OPN3: variants seen among roughly 807,000 people sequenced by gnomAD.
OPN3 encodes opsin-3.
A neutral mutation model predicts 33.8 loss-of-function variants in OPN3; 29 were observed. That is an observed-to-expected ratio of 0.86 (90% CI 0.64 to 1.17). The LOEUF (loss-of-function observed/expected upper bound fraction) is 1.17, where lower values mean the gene tolerates loss of function less well. Ranked by LOEUF, OPN3 falls within the 50% of genes most tolerant of loss-of-function variation. OPN3 has a pLI of 0.00. For synonymous variants in OPN3, 216 were observed against 216.1 expected, an observed-to-expected ratio of 1.00 and a Z score of 0.00; for missense variants, 437 against 514.1, an observed-to-expected ratio of 0.85 and a Z score of 1.45.
At position 241,639,856 on chromosome 1, in the gene OPN3, G is replaced by A. The variant is rs112198355; in HGVS notation, c.373+26C>T. ...GGGGAGTGGAAGTTTGCAGAGGGGA[G>A]GCTGCCTTCTCCCAGTCCAACTCAC... On this transcript the variant is annotated intron_variant, in intron 1 of 3. Coordinates refer to ENST00000366554, the MANE Select transcript of OPN3 (RefSeq NM_014322.3). The A allele has an allele frequency of 5.8e-4, 873 of 1,495,400 alleles. 5 individuals are homozygous for A. The African/African-American group carries it at 0.01, about 18-fold the overall frequency. 92.6% of individuals were successfully genotyped at this position (1,495,400 alleles called of 1,614,324 possible).
intron 1 of OPN3, among the ~76,000 whole-genome samples, chr1:241,607,794 G>GA (rs1232594910): frequency 1.3e-5 from 2 of 149,136 alleles, no homozygotes; most frequent in African/African-American, 4.9e-5. Context: ...GGAAGGAAGG[G>GA]AAAAGGAAAG....
chr1:241,614,531 T>C (rs553325959), intron 1 of OPN3, among the ~76,000 whole-genome samples: 3 of 152,374 alleles, frequency 2.0e-5, no homozygotes, highest in East Asian at 3.9e-4. Context: ...CGGACATTTT[T>C]CACCATAAGC....
intron 1 of OPN3, chr1:241,630,817 A>C (rs1664603655): frequency 6.6e-6 from 1 of 152,074 alleles, no homozygotes; most frequent in Non-Finnish European, 1.5e-5. Context: ...ATCTGTAATT[A>C]ATACTTTGGA....
intron 1 of OPN3, among the ~76,000 whole-genome samples, chr1:241,612,535 A>G (rs1005619197): frequency 1.3e-5 from 2 of 152,124 alleles, no homozygotes; most frequent in African/African-American, 4.8e-5. Flanking sequence ...TGTAAAATAA[A>G]CCAAGCCTGT....
intron 1 of OPN3, among the ~76,000 whole-genome samples, chr1:241,609,093 G>A (rs1204588508): frequency 6.6e-6 from 1 of 152,228 alleles, no homozygotes; most frequent in Non-Finnish European, 1.5e-5. Flanking sequence ...AACTGATGTT[G>A]AGCCTTATTA....
At chr1:241,616,303 C>T (rs1413277102) in intron 1 of OPN3, among the ~76,000 whole-genome samples, 1 of 152,020 alleles carries the variant, frequency 6.6e-6, no homozygotes, top group East Asian at 1.9e-4. Flanking sequence ...TTCACAAAGC[C>T]CTTTCTGGAA....
At chr1:241,609,176 C>A (rs569381014) in intron 1 of OPN3, among the ~76,000 whole-genome samples, 5 of 152,264 alleles carry the variant, frequency 3.3e-5, no homozygotes, top group Non-Finnish European at 7.3e-5. Flanking sequence ...AATGGTGCAT[C>A]CATTTCCGTG....
intron 2 of OPN3, among the ~76,000 whole-genome samples, chr1:241,603,268 C>T (rs1663726342): frequency 6.6e-6 from 1 of 152,048 alleles, no homozygotes; most frequent in African/African-American, 2.4e-5. Flanking sequence ...TCAAAGGAAC[C>T]CTTGATAATG....
Position 241,594,545 on chromosome 1 carries a change from C to T in OPN3, c.1092G>A (p.Val364=). 1 of 1,614,108 alleles carries T rather than the reference C, an allele frequency of 6.2e-7. No homozygotes were observed. Among genetic ancestry groups the T allele is most frequent in the Non-Finnish European group, 8.5e-7 (1 of 1,179,990 alleles). Reference sequence around the variant, plus strand: ...AAATGATGGAAGAAGAGTTGAAAGTCACTTTTTTCTTTGGCCTGTCCCCAT... The same window carrying T: ...AAATGATGGAAGAAGAGTTGAAAGTTACTTTTTTCTTTGGCCTGTCCCCAT... The part of the protein sequence containing the change: ...QKDGDRPKKK[V]TFNSSSIIFI... The change falls in exon 4 of 4, where the codon GTG becomes GTA. Residue 364 remains valine (V), a synonymous_variant. Coordinates refer to ENST00000366554, the MANE Select transcript of OPN3 (RefSeq NM_014322.3).
intron 1 of OPN3, chr1:241,633,889 C>G: frequency 6.2e-7 from 1 of 1,613,860 alleles, no homozygotes; most frequent in Non-Finnish European, 8.5e-7. Context: ...TTCCAGGAGC[C>G]TCTGGCTGCT....
At chr1:241,611,999 T>C (rs1664015101) in intron 1 of OPN3, among the ~76,000 whole-genome samples, 1 of 152,192 alleles carries the variant, frequency 6.6e-6, no homozygotes, top group Non-Finnish European at 1.5e-5. Flanking sequence ...AGTTAATCTT[T>C]GTTGGCTGTG....
intron 1 of OPN3, among the ~76,000 whole-genome samples, chr1:241,614,993 A>T (rs773239561): frequency 3.3e-5 from 5 of 152,210 alleles, no homozygotes; most frequent in Non-Finnish European, 7.3e-5. Flanking sequence ...CTTTTTCCAC[A>T]CTTATGCCTC....
chr1:241,605,160 C>T (rs1663794473), intron 1 of OPN3, among the ~76,000 whole-genome samples: 1 of 152,002 alleles, frequency 6.6e-6, no homozygotes, highest in Non-Finnish European at 1.5e-5. Flanking sequence ...CCAAAGATGC[C>T]CCTATTGTAT....
intron 1 of OPN3, among the ~76,000 whole-genome samples, chr1:241,607,574 A>T (rs1275159470): frequency 8.4e-6 from 1 of 119,022 alleles, no homozygotes; most frequent in Non-Finnish European, 1.8e-5. Context: ...AAAGAAAGAA[A>T]GAAAAGAAAG....
chr1:241,622,647 T>C (rs1440391150), intron 1 of OPN3, among the ~76,000 whole-genome samples: 9 of 152,224 alleles, frequency 5.9e-5, no homozygotes, highest in Admixed American at 5.2e-4. Context: ...ATTTCAACAA[T>C]TGATAAATCA....
Position 241,594,230 on chromosome 1 carries a change from C to G in OPN3, c.*198G>C. ...CAAGTGGTTTTTTCATTATGTAAAG[C>G]ACCCGTTGAATTAAAAGAATTTGTT... On this transcript the variant is annotated 3_prime_UTR_variant, in exon 4 of 4. Coordinates refer to ENST00000366554, the MANE Select transcript of OPN3 (RefSeq NM_014322.3). The G allele has an allele frequency of 1.9e-6, 1 of 530,518 alleles. No homozygotes were observed. 32.9% of individuals were successfully genotyped at this position (530,518 alleles called of 1,614,324 possible).
At chr1:241,615,205 TAAAA>T (rs56262278) in intron 1 of OPN3, among the ~76,000 whole-genome samples, 1 of 113,994 alleles carries the variant, frequency 8.8e-6, no homozygotes, top group Non-Finnish European at 1.8e-5. Flanking sequence ...GGCCAAAGTC[TAAAA>T]AAAAAAAAAA....
intron 1 of OPN3, among the ~76,000 whole-genome samples, chr1:241,627,007 G>A (rs1011486401): frequency 7.9e-5 from 12 of 152,078 alleles, no homozygotes; most frequent in African/African-American, 2.9e-4. Flanking sequence ...TCATTCCTCT[G>A]ATGTGTATGC....
chr1:241,625,358 T>TTAATTC (rs1413025173), intron 1 of OPN3, among the ~76,000 whole-genome samples: 4 of 152,172 alleles, frequency 2.6e-5, no homozygotes, highest in African/African-American at 9.7e-5. Flanking sequence ...AATTTGCCAA[T>TTAATTC]AGTCTGTCAA....
Sources: allele counts gnomAD v4.1 joint callset (sites outside exome capture counted in the v4.1 genomes callset), GRCh38; gene constraint gnomAD v4.1.1; transcripts MANE v1.5; gene names NCBI Gene and HGNC (gene_info 2026-07-23, HGNC 2026-07-21).